Variants in HDAC8 observed in about 807,000 individuals in gnomAD.
The protein encoded by HDAC8 is histone deacetylase 8.
In HDAC8, 1 loss-of-function variant was observed where a neutral mutation model predicts 32.2. That is an observed-to-expected ratio of 0.03 (90% CI 0.01 to 0.15). The LOEUF (loss-of-function observed/expected upper bound fraction) is 0.15. Ranked by LOEUF, HDAC8 falls within the 10% of genes least tolerant of loss-of-function variation. HDAC8 has a pLI of 1.00. For missense variants in HDAC8, 117 were observed against 300.0 expected (o/e 0.39, Z 4.51); for synonymous variants, 108 against 113.9 (o/e 0.95, Z 0.33).
At chrX:72,481,200 G>T (rs782482198) in intron 7 of HDAC8, among the ~76,000 whole-genome samples, 3 of 111,130 alleles carry the variant, frequency 2.7e-5, no homozygotes, top group African/African-American at 9.8e-5. Flanking sequence ...CAGAGTGAAG[G>T]GGGGAAAGCC....
Position 72,329,589 on chromosome X carries a change from C to T in HDAC8, c.*465G>A. On this transcript the variant is annotated 3_prime_UTR_variant, in exon 11 of 11. Transcript: ENST00000373573. ...AACAACACCAGCGGACTTCTCCCCA[C>T]CTCCCAGTCTGCTGATCAGTACCCT... The T allele has an allele frequency of 1.9e-6, 2 of 1,025,965 alleles. No individual in the cohort carries two copies. Among genetic ancestry groups the T allele is most frequent in the South Asian group, 2.1e-5 (1 of 46,679 alleles). The allele number at this position is 1,025,965 out of a possible 1,213,427, so 84.6% of individuals were successfully genotyped here. A position where few individuals can be genotyped will look rare whatever the true frequency, so the allele number is the denominator to read the frequency against.
At chrX:72,558,443 A>G (rs1368658196) in intron 4 of HDAC8, among the ~76,000 whole-genome samples, 2 of 112,311 alleles carry the variant, frequency 1.8e-5, no homozygotes, top group Non-Finnish European at 3.8e-5. Flanking sequence ...ACACAAGTCA[A>G]TAAGTGTGAT....
chrX:72,340,731 C>T (rs782758593), intron 10 of HDAC8, among the ~76,000 whole-genome samples: 3 of 111,763 alleles, frequency 2.7e-5, no homozygotes, highest in South Asian at 3.8e-4. Flanking sequence ...ACTATGCCAT[C>T]CTGACTGAGC....
intron 9 of HDAC8, among the ~76,000 whole-genome samples, chrX:72,417,910 A>T (rs782017170): frequency 8.9e-6 from 1 of 111,784 alleles, no homozygotes; most frequent in South Asian, 3.7e-4. Flanking sequence ...CCTGAAATAC[A>T]GCTGCACAAC....
chrX:72,469,224 C>T (rs2048102453), intron 7 of HDAC8, among the ~76,000 whole-genome samples: 1 of 111,226 alleles, frequency 9.0e-6, no homozygotes. Flanking sequence ...CAGTCTCTCA[C>T]CCAGGCTGCA....
intron 4 of HDAC8, among the ~76,000 whole-genome samples, chrX:72,552,503 C>T (rs1451520094): frequency 9.1e-6 from 1 of 109,903 alleles, no homozygotes; most frequent in African/African-American, 3.3e-5. Context: ...CCCAGCCACT[C>T]GGGAGGCTGA....
At chrX:72,388,318 C>T (rs1399199967) in intron 9 of HDAC8, among the ~76,000 whole-genome samples, 1 of 109,250 alleles carries the variant, frequency 9.2e-6, no homozygotes, top group Non-Finnish European at 1.9e-5. Context: ...GGAGGGATAC[C>T]AGTCTAGATG....
chrX:72,387,330 C>T (rs782163567), intron 9 of HDAC8, among the ~76,000 whole-genome samples: 11 of 111,992 alleles, frequency 9.8e-5, no homozygotes, highest in Non-Finnish European at 1.3e-4. Context: ...TGTGCTATCT[C>T]GTGCTTAAGG....
intron 4 of HDAC8, among the ~76,000 whole-genome samples, chrX:72,556,812 T>C (rs2147524738): frequency 8.9e-6 from 1 of 112,186 alleles, no homozygotes; most frequent in East Asian, 2.8e-4. Flanking sequence ...AGTGAGGGAC[T>C]GTAATACTCC....
intron 9 of HDAC8, among the ~76,000 whole-genome samples, chrX:72,415,613 A>G (rs1451972188): frequency 8.9e-6 from 1 of 111,802 alleles, no homozygotes; most frequent in Non-Finnish European, 1.9e-5. Flanking sequence ...GATCAGTGTT[A>G]TAGTTTTCAG....
At chrX:72,541,955 C>G (rs1171129987) in intron 4 of HDAC8, among the ~76,000 whole-genome samples, 1 of 111,732 alleles carries the variant, frequency 8.9e-6, no homozygotes, top group African/African-American at 3.3e-5. Context: ...GTCACAAATC[C>G]TTTGATACTT....
At chrX:72,498,247 T>C (rs2049094116) in intron 4 of HDAC8, among the ~76,000 whole-genome samples, 1 of 110,798 alleles carries the variant, frequency 9.0e-6, no homozygotes, top group Admixed American at 9.6e-5. Context: ...TTCAATATAT[T>C]ACTATTGAGG....
chrX:72,444,184 T>A (rs1177991951), intron 9 of HDAC8, among the ~76,000 whole-genome samples: 2 of 99,962 alleles, frequency 2.0e-5, no homozygotes, highest in African/African-American at 3.8e-5. Flanking sequence ...TAACTCATTT[T>A]ATGAGGCCAG....
At chrX:72,503,812 C>T (rs1197273662) in intron 4 of HDAC8, among the ~76,000 whole-genome samples, 1 of 111,938 alleles carries the variant, frequency 8.9e-6, no homozygotes, top group Non-Finnish European at 1.9e-5. Flanking sequence ...GGAACTAAGG[C>T]TGACTTTATG....
intron 9 of HDAC8, among the ~76,000 whole-genome samples, chrX:72,422,431 T>G (rs1195711476): frequency 9.1e-6 from 1 of 110,282 alleles, no homozygotes; most frequent in African/African-American, 3.3e-5. Context: ...GATTCTGTCT[T>G]GTGCCTGAAG....
chrX:72,411,786 T>C (rs1289481298), intron 9 of HDAC8, among the ~76,000 whole-genome samples: 2 of 112,021 alleles, frequency 1.8e-5, no homozygotes, highest in African/African-American at 6.5e-5. Flanking sequence ...TTAACAGTGA[T>C]TGCAGACAGT....
At chrX:72,410,032 C>A (rs1420025869) in intron 9 of HDAC8, among the ~76,000 whole-genome samples, 1 of 111,987 alleles carries the variant, frequency 8.9e-6, no homozygotes, top group East Asian at 2.8e-4. Flanking sequence ...ATTTTAAGCA[C>A]AAGGGAGCTG....
intron 9 of HDAC8, among the ~76,000 whole-genome samples, chrX:72,416,055 G>A (rs1339987026): frequency 9.0e-6 from 1 of 111,195 alleles, no homozygotes; most frequent in Non-Finnish European, 1.9e-5. Context: ...AAAGTGAGTT[G>A]GGAAGTGTTT....
intron 4 of HDAC8, among the ~76,000 whole-genome samples, chrX:72,563,730 C>T (rs868910418): frequency 1.8e-5 from 2 of 110,426 alleles, no homozygotes; most frequent in African/African-American, 6.6e-5. Context: ...GTTTGTTTCC[C>T]ATATTTAAAA....
Sources: gnomAD v4.1 joint callset for allele counts (sites outside exome capture counted in the v4.1 genomes callset) on GRCh38, gnomAD v4.1.1 for gene constraint, MANE v1.5 for transcripts, NCBI Gene and HGNC (gene_info 2026-07-23, HGNC 2026-07-21) for gene names.